The following TP63 variants were observed in gnomAD, a reference collection of about 807,000 sequenced individuals.
TP63 encodes the protein tumor protein p63.
Under a neutral mutation model 82.8 loss-of-function variants are expected in TP63, and 17 were observed. The observed-to-expected ratio is 0.21, with a 90% CI of 0.14 to 0.31. TP63 has a LOEUF of 0.31. Ranked by LOEUF, TP63 falls within the 10% of genes least tolerant of loss-of-function variation. The pLI, the probability that TP63 is intolerant of heterozygous loss-of-function variation, is 1.00. For missense variants in TP63, 648 were observed against 895.3 expected, an observed-to-expected ratio of 0.72 and a Z score of 3.52; for synonymous variants, 330 against 321.7, an observed-to-expected ratio of 1.03 and a Z score of -0.28.
the TP63 span, among the ~76,000 whole-genome samples, chr3:189,612,925 T>C: frequency 2.0e-5 from 3 of 152,172 alleles, no homozygotes; most frequent in African/African-American, 4.8e-5. Flanking sequence ...GCAGAAGAAA[T>C]TTCTAAGCAG....
chr3:189,800,475 TAAAAAAAAAA>T (rs72295286), intron 3 of TP63, among the ~76,000 whole-genome samples: 2 of 134,904 alleles, frequency 1.5e-5, no homozygotes, highest in South Asian at 2.4e-4. Flanking sequence ...CTTTAATGAG[TAAAAAAAAAA>T]AAAAGAAAAA....
intron 4 of TP63, among the ~76,000 whole-genome samples, chr3:189,820,751 A>C (rs1460701923): frequency 1.3e-5 from 2 of 152,248 alleles, no homozygotes; most frequent in African/African-American, 4.8e-5. Context: ...GAAGAGACCC[A>C]AACCAATTCA....
chr3:189,738,172 T>C (rs192848157), intron 2 of TP63, among the ~76,000 whole-genome samples: 1 of 152,370 alleles, frequency 6.6e-6, no homozygotes, highest in East Asian at 1.9e-4. Flanking sequence ...TGAAGACTTA[T>C]CTACTTTTAT....
intron 1 of TP63, among the ~76,000 whole-genome samples, chr3:189,680,514 C>T: frequency 6.6e-6 from 1 of 152,122 alleles, no homozygotes; most frequent in East Asian, 1.9e-4. Context: ...CCCTGGTGAA[C>T]ACAGACATAA....
chr3:189,674,874 C>A (rs1232387949), intron 1 of TP63, among the ~76,000 whole-genome samples: 1 of 152,098 alleles, frequency 6.6e-6, no homozygotes, highest in African/African-American at 2.4e-5. Flanking sequence ...CCCTATGTAG[C>A]ACATCAAGTG....
intron 1 of TP63, among the ~76,000 whole-genome samples, chr3:189,656,202 T>A (rs1920248): frequency 0.32 from 49,290 of 152,064 alleles, 8,536 homozygotes; most frequent in Non-Finnish European, 0.38. Flanking sequence ...ATGAATTACA[T>A]CAATATCACA....
chr3:189,711,773 A>G (rs575162116), intron 1 of TP63, among the ~76,000 whole-genome samples: 1 of 152,332 alleles, frequency 6.6e-6, no homozygotes, highest in Admixed American at 6.5e-5. Context: ...TCATGTGGGT[A>G]TAATGTCTCC....
chr3:189,804,911 T>G (rs749056850), intron 3 of TP63, among the ~76,000 whole-genome samples: 1 of 152,234 alleles, frequency 6.6e-6, no homozygotes, highest in Non-Finnish European at 1.5e-5. Flanking sequence ...TGATTGTGTG[T>G]AGTAGGCTGA....
intron 3 of TP63, among the ~76,000 whole-genome samples, chr3:189,787,210 A>G (rs1299115541): frequency 1.3e-5 from 2 of 152,058 alleles, no homozygotes; most frequent in Non-Finnish European, 2.9e-5. Context: ...CTTCACTTGT[A>G]CAATATGAAG....
the TP63 span, among the ~76,000 whole-genome samples, chr3:189,601,212 G>A: frequency 6.6e-6 from 1 of 152,070 alleles, no homozygotes; most frequent in Non-Finnish European, 1.5e-5. Flanking sequence ...TTATGTTTTT[G>A]GAAAGTCTGA....
chr3:189,641,415 A>G (rs187133724), intron 1 of TP63, among the ~76,000 whole-genome samples: 1 of 152,146 alleles, frequency 6.6e-6, no homozygotes, highest in African/African-American at 2.4e-5. Context: ...GCTACTACTT[A>G]TATTTCAATA....
Position 189,811,475 on chromosome 3 carries a change from A to G in TP63, c.579+2949A>G, listed in dbSNP as rs142375222. Among the ~76,000 whole-genome samples the G allele has an allele frequency of 3.3e-3, 498 of 152,232 alleles. 2 individuals are homozygous for G. Among genetic ancestry groups the G allele is most frequent in the Non-Finnish European group, 5.9e-3 (402 of 68,016 alleles). On this transcript the variant is annotated intron_variant, in intron 4 of 13. Transcript: ENST00000264731. ...TCTTGTTCACAACCAGGCTTATTTC[A>G]GGCCCAGTTCATTTCTTCTAAATTA...
intron 3 of TP63, chr3:189,789,809 C>T: frequency 6.3e-7 from 1 of 1,595,376 alleles, no homozygotes; most frequent in Non-Finnish European, 8.5e-7. Flanking sequence ...ACATGTTGTA[C>T]CTGGAAAACA....
At chr3:189,859,358 G>T (rs2108784178) in intron 4 of TP63, among the ~76,000 whole-genome samples, 1 of 152,130 alleles carries the variant, frequency 6.6e-6, no homozygotes, top group Non-Finnish European at 1.5e-5. Context: ...CAAAATATTT[G>T]AACAGATGCT....
At chr3:189,792,354 G>T (rs1457452227) in intron 3 of TP63, among the ~76,000 whole-genome samples, 1 of 152,084 alleles carries the variant, frequency 6.6e-6, no homozygotes, top group Non-Finnish European at 1.5e-5. Context: ...CAGACTTGGA[G>T]ATAGAGAGGG....
chr3:189,808,505 C>T lies in TP63; in HGVS notation c.558C>T (p.Thr186=), dbSNP rs200355416. 2 of 1,614,142 alleles carry T rather than the reference C, an allele frequency of 1.2e-6. No individual in the cohort carries two copies. The highest frequency in any genetic ancestry group is 2.2e-5 in the East Asian group (1 of 44,894). The change falls in exon 4 of 14, where the codon ACC becomes ACT. Residue 186 remains threonine (T), a synonymous_variant. Transcript: ENST00000264731. ...SFDVSFQQSS[T]AKSATWTYST... ...ACGTGTCCTTCCAGCAGTCGAGCAC[C>T]GCCAAGTCGGCCACCTGGACGGTAA...
intron 1 of TP63, among the ~76,000 whole-genome samples, chr3:189,709,616 G>C (rs1718446456): frequency 6.6e-6 from 1 of 151,996 alleles, no homozygotes; most frequent in African/African-American, 2.4e-5. Flanking sequence ...CTGTACTCCA[G>C]CCTGGGCAAC....
At position 189,728,931 on chromosome 3, in the gene TP63, A is replaced by G. The variant is rs77504882; in HGVS notation, c.63-8809A>G. On this transcript the variant is annotated intron_variant, in intron 1 of 13. Transcript: ENST00000264731. ...TTGTGTGGGGATACAGAGCCAAACCATATCAGCTAGCTAAACAATTTGTAA... is the reference window on the plus strand; with the variant it reads ...TTGTGTGGGGATACAGAGCCAAACCGTATCAGCTAGCTAAACAATTTGTAA... Among the ~76,000 whole-genome samples the G allele has an allele frequency of 5.9e-3, 903 of 152,284 alleles. 6 individuals carry two copies. Among genetic ancestry groups the G allele is most frequent in the African/African-American group, 0.02 (811 of 41,560 alleles).
intron 9 of TP63, among the ~76,000 whole-genome samples, chr3:189,871,266 C>T (rs59825104): frequency 0.13 from 19,638 of 151,874 alleles, 1,441 homozygotes; most frequent in African/African-American, 0.21. Flanking sequence ...TGGTGAGTGG[C>T]AAATATGCTA....
Sources: allele counts gnomAD v4.1 joint callset (sites outside exome capture counted in the v4.1 genomes callset), GRCh38; gene constraint gnomAD v4.1.1; transcripts MANE v1.5; gene names NCBI Gene and HGNC (gene_info 2026-07-23, HGNC 2026-07-21).